PSMD1: variants seen among roughly 807,000 people sequenced by gnomAD.
PSMD1 encodes the protein proteasome 26S subunit, non-ATPase 1.
A neutral mutation model predicts 119.0 loss-of-function variants in PSMD1; 18 were observed. The observed-to-expected ratio is 0.15, with a 90% CI of 0.10 to 0.22. The LOEUF is 0.22. Among genes scored for constraint, PSMD1 ranks in the 10% least tolerant of loss-of-function variants. The pLI is 1.00. For synonymous variants in PSMD1, 374 were observed against 396.6 expected, an observed-to-expected ratio of 0.94 and a Z score of 0.68; for missense variants, 702 against 1,158.5, an observed-to-expected ratio of 0.61 and a Z score of 5.72.
Position 231,056,868 on chromosome 2 carries a change from T to G in PSMD1, c.-158T>G. On this transcript the variant is annotated 5_prime_UTR_variant, in exon 1 of 25. Coordinates refer to ENST00000308696, the MANE Select transcript of PSMD1 (RefSeq NM_002807.4). ...GCGGGCAGCCCCTGGGCGGGCGGGG[T>G]CCTGGCGAGAAGCGAGCCGGCGGCC... 1 of 997,590 alleles carries G rather than the reference T, an allele frequency of 1.0e-6. No homozygotes were observed. Among genetic ancestry groups the G allele is most frequent in the Non-Finnish European group, 1.5e-6 (1 of 676,904 alleles). The allele number at this position is 997,590 out of a possible 1,614,324, so 61.8% of individuals were successfully genotyped here. A position where few individuals can be genotyped will look rare whatever the true frequency, so the allele number is the denominator to read the frequency against.
intron 20 of PSMD1, 41 bp from the exon 21 acceptor site, chr2:231,163,592 CAG>C (rs1378186583): frequency 6.8e-7 from 1 of 1,466,158 alleles, no homozygotes; most frequent in Non-Finnish European, 9.5e-7. Context: ...GTGGAGAGCA[CAG>C]AGTACTTAAA....
chr2:231,109,470 A>G, intron 16 of PSMD1: 2 of 1,368,348 alleles, frequency 1.5e-6, no homozygotes, highest in Non-Finnish European at 2.1e-6. Context: ...CTTCGATTAG[A>G]TCCTTTTGGA....
At chr2:231,152,926 A>G (rs1574773018) in intron 18 of PSMD1, among the ~76,000 whole-genome samples, 1 of 152,238 alleles carries the variant, frequency 6.6e-6, no homozygotes, top group African/African-American at 2.4e-5. Context: ...AATCATAAAA[A>G]TAATACATAT....
chr2:231,059,755 A>G (rs1380936533), intron 1 of PSMD1, among the ~76,000 whole-genome samples: 3 of 152,222 alleles, frequency 2.0e-5, no homozygotes, highest in African/African-American at 7.2e-5. Flanking sequence ...TTAGACCAAT[A>G]TCTGCTCAGT....
At chr2:231,095,896 A>G (rs1047326237) in intron 16 of PSMD1, among the ~76,000 whole-genome samples, 2 of 152,168 alleles carry the variant, frequency 1.3e-5, no homozygotes, top group Admixed American at 1.3e-4. Context: ...GCTGTTTGAC[A>G]ATTCTATATG....
intron 16 of PSMD1, among the ~76,000 whole-genome samples, chr2:231,090,786 G>C (rs1477372574): frequency 6.6e-6 from 1 of 152,190 alleles, no homozygotes; most frequent in Non-Finnish European, 1.5e-5. Context: ...GGCTTTAGTG[G>C]AAGAAGGAAT....
chr2:231,086,368 G>T lies in PSMD1; in HGVS notation c.1819-749G>T, dbSNP rs80023179. ...CCAGTTGAAATGGTCTTAAGAAGTA[G>T]CCCTGGGGCCGGGCATGGTGGCGTA... On this transcript the variant is annotated intron_variant, in intron 15 of 24. Transcript: ENST00000308696. 3.2e-4 allele frequency among the ~76,000 whole-genome samples: 49 copies of T among 152,298 alleles called. No individual in the cohort carries two copies. The East Asian group carries it at 9.5e-3, about 29-fold the overall frequency.
chr2:231,170,331 A>T lies in PSMD1; in HGVS notation c.2716-235A>T. ...GGGAAATAACTATTCTTAAATTGGG[A>T]TGCATCATCCAAGTAGAACAGCATC... is the stretch of plus-strand genomic sequence containing the variant. On this transcript the variant is annotated intron_variant, in intron 23 of 24. Coordinates refer to ENST00000308696, the MANE Select transcript of PSMD1 (RefSeq NM_002807.4). The surrounding 1 kb of genome is among the most constrained non-coding windows in gnomAD (Gnocchi z 4.1). 5.2e-6 allele frequency: 2 copies of T among 387,694 alleles called. No individual in the cohort carries two copies. 24.0% of individuals were successfully genotyped at this position (387,694 alleles called of 1,614,324 possible).
At chr2:231,092,078 C>T (rs1694610916) in intron 16 of PSMD1, among the ~76,000 whole-genome samples, 1 of 152,160 alleles carries the variant, frequency 6.6e-6, no homozygotes, top group Admixed American at 6.5e-5. Flanking sequence ...ATAGAGGCCA[C>T]AGCAATACTA....
intron 16 of PSMD1, among the ~76,000 whole-genome samples, chr2:231,137,172 C>T (rs1434334718): frequency 6.6e-6 from 1 of 150,490 alleles, no homozygotes. Context: ...GGCTGGAGTA[C>T]AGTGGTGCAA....
intron 12 of PSMD1, among the ~76,000 whole-genome samples, chr2:231,081,144 TAAAAAA>T (rs368987456): frequency 1.4e-5 from 1 of 74,040 alleles, no homozygotes; most frequent in Non-Finnish European, 2.7e-5. Flanking sequence ...AAACTCTGTC[TAAAAAA>T]AAAAAAAAAA....
intron 17 of PSMD1, among the ~76,000 whole-genome samples, chr2:231,140,275 C>T (rs1283741551): frequency 1.3e-5 from 2 of 150,224 alleles, no homozygotes; most frequent in Non-Finnish European, 3.0e-5. Flanking sequence ...GTGGGCAGAT[C>T]ACGAGGTCAG....
intron 1 of PSMD1, among the ~76,000 whole-genome samples, chr2:231,060,902 G>A (rs1693739633): frequency 6.6e-6 from 1 of 152,128 alleles, no homozygotes; most frequent in African/African-American, 2.4e-5. Flanking sequence ...AAACTATAGA[G>A]AGCAAAAGAA....
intron 16 of PSMD1, among the ~76,000 whole-genome samples, chr2:231,122,680 A>C (rs1048120487): frequency 1.6e-4 from 25 of 152,108 alleles, no homozygotes; most frequent in African/African-American, 6.0e-4. Context: ...TTTTTATTAT[A>C]GCAAACTAAG....
intron 16 of PSMD1, among the ~76,000 whole-genome samples, chr2:231,133,865 T>C (rs1485026464): frequency 6.6e-6 from 1 of 152,244 alleles, no homozygotes; most frequent in African/African-American, 2.4e-5. Context: ...GGAATTCATA[T>C]GTGCAGTTTA....
At chr2:231,097,465 T>C (rs1319134935) in intron 16 of PSMD1, among the ~76,000 whole-genome samples, 1 of 152,214 alleles carries the variant, frequency 6.6e-6, no homozygotes, top group African/African-American at 2.4e-5. Flanking sequence ...GTTTTAATCA[T>C]GACACAAACT....
At position 231,123,748 on chromosome 2, in the gene PSMD1, C is replaced by T. The variant is rs1695639089; in HGVS notation, c.1884-14988C>T. ...AATTGTGCTTTGAAGTTCAGACACT[C>T]TGTAAGAGAGAGCCATTTGCTGTTT... is the stretch of plus-strand genomic sequence containing the variant. On this transcript the variant is annotated intron_variant, in intron 16 of 24. Transcript: ENST00000308696. 5 of 1,613,604 alleles carry T rather than the reference C, an allele frequency of 3.1e-6. No homozygotes were observed. In the South Asian group the frequency reaches 5.5e-5, roughly 18 times the overall value.
intron 17 of PSMD1, among the ~76,000 whole-genome samples, chr2:231,144,252 CT>C (rs113617018): frequency 2.1e-3 from 282 of 136,606 alleles, no homozygotes; most frequent in Admixed American, 7.9e-3. Flanking sequence ...GGTTTGTTTC[CT>C]TTTTTTTTTT....
chr2:231,058,652 A>G (rs1459028648), intron 1 of PSMD1, among the ~76,000 whole-genome samples: 1 of 151,674 alleles, frequency 6.6e-6, no homozygotes, highest in Non-Finnish European at 1.5e-5. Flanking sequence ...TAAAATCCAG[A>G]CTCTTAACCA....
Sources: gnomAD v4.1 joint callset for allele counts (sites outside exome capture counted in the v4.1 genomes callset) on GRCh38, gnomAD v4.1.1 for gene constraint, Gnocchi (gnomAD v3.1) non-coding constraint, MANE v1.5 for transcripts, NCBI Gene and HGNC (gene_info 2026-07-23, HGNC 2026-07-21) for gene names.